TMEM163: variants seen among roughly 807,000 people sequenced by gnomAD.
TMEM163 encodes transmembrane protein 163.
Under a neutral mutation model 29.3 loss-of-function variants are expected in TMEM163, and 17 were observed. The observed-to-expected ratio is 0.58, with a 90% CI of 0.40 to 0.87. TMEM163 has a LOEUF of 0.87. Among genes scored for constraint, TMEM163 ranks in the 40% least tolerant of loss-of-function variants. The pLI is 0.00. For missense variants in TMEM163, 303 were observed against 381.5 expected (o/e 0.79, Z 1.71); for synonymous variants, 157 against 160.6 (o/e 0.98, Z 0.17).
chr2:134,491,394 GA>G (rs1345355338), intron 5 of TMEM163, among the ~76,000 whole-genome samples: 1 of 152,104 alleles, frequency 6.6e-6, no homozygotes, highest in East Asian at 1.9e-4. Flanking sequence ...GGAGAGTGTG[GA>G]AAAGTCCTAG....
chr2:134,597,392 T>C (rs1234075449), intron 2 of TMEM163, among the ~76,000 whole-genome samples: 3 of 152,200 alleles, frequency 2.0e-5, no homozygotes, highest in African/African-American at 4.8e-5. Context: ...TTGTCTTTGG[T>C]TCTGTTTATA....
At chr2:134,545,046 AGT>A (rs148302354) in intron 4 of TMEM163, among the ~76,000 whole-genome samples, 1 of 152,096 alleles carries the variant, frequency 6.6e-6, no homozygotes, top group African/African-American at 2.4e-5. Context: ...TGCCTACACA[AGT>A]GTGTGTGGAT....
At chr2:134,628,552 C>A (rs1682901780) in intron 2 of TMEM163, among the ~76,000 whole-genome samples, 1 of 152,250 alleles carries the variant, frequency 6.6e-6, no homozygotes, top group Non-Finnish European at 1.5e-5. Flanking sequence ...GCCAGTCATA[C>A]AAGCACTCTC....
At chr2:134,511,292 T>C (rs1395551879) in intron 4 of TMEM163, among the ~76,000 whole-genome samples, 3 of 151,838 alleles carry the variant, frequency 2.0e-5, no homozygotes, top group African/African-American at 7.3e-5. Context: ...GGACAGTGAG[T>C]GCAAAGGCTC....
rs1230622690 is a variant in TMEM163, at chr2:134,591,056, C to T, written c.323-38965G>A. Among the ~76,000 whole-genome samples, 3 of 152,314 alleles carry T rather than the reference C, an allele frequency of 2.0e-5. No homozygotes were observed. In the East Asian group the frequency reaches 5.8e-4, roughly 29 times the overall value. ...TGGAGTAACTCAAGCTAAGGGCCTA[C>T]ATGTACATTAGAAGGATGGGGTAGA... On this transcript the variant is annotated intron_variant, in intron 2 of 7. Coordinates refer to ENST00000281924, the MANE Select transcript of TMEM163 (RefSeq NM_030923.5).
intron 1 of TMEM163, among the ~76,000 whole-genome samples, chr2:134,715,580 TAAG>T (rs10579125): frequency 0.21 from 31,637 of 152,180 alleles, 3,724 homozygotes; most frequent in Middle Eastern, 0.39. Context: ...TAGCCGATCC[TAAG>T]AATGGAAAAC....
At chr2:134,486,439 T>C (rs1429457234) in intron 5 of TMEM163, among the ~76,000 whole-genome samples, 3 of 152,128 alleles carry the variant, frequency 2.0e-5, no homozygotes, top group African/African-American at 7.2e-5. Context: ...CAAGGTTGCT[T>C]GAGAGAGAAA....
chr2:134,696,816 C>T (rs76793123), intron 2 of TMEM163, among the ~76,000 whole-genome samples: 2 of 152,166 alleles, frequency 1.3e-5, no homozygotes, highest in African/African-American at 2.4e-5. Flanking sequence ...GCTCTTGTCA[C>T]TCAGGCTAGA....
chr2:134,578,534 G>C (rs1681614664), intron 2 of TMEM163, among the ~76,000 whole-genome samples: 1 of 152,194 alleles, frequency 6.6e-6, no homozygotes, highest in African/African-American at 2.4e-5. Flanking sequence ...GTTGCATGCA[G>C]CCATTTGGAA....
chr2:134,598,845 G>T (rs1368671902), intron 2 of TMEM163, among the ~76,000 whole-genome samples: 1 of 151,682 alleles, frequency 6.6e-6, no homozygotes, highest in Admixed American at 6.6e-5. Flanking sequence ...GCTTGAACCT[G>T]GGAGGTGGGG....
chr2:134,467,683 G>A (rs1052870889), intron 5 of TMEM163: 1 of 152,156 alleles, frequency 6.6e-6, no homozygotes, highest in African/African-American at 2.4e-5. Flanking sequence ...ATCCAGACTG[G>A]ATCCTGGAAC....
At chr2:134,533,225 C>T (rs1680452453) in intron 4 of TMEM163, among the ~76,000 whole-genome samples, 1 of 152,098 alleles carries the variant, frequency 6.6e-6, no homozygotes, top group South Asian at 2.1e-4. Flanking sequence ...TCCATGAGGT[C>T]ATTAAAAAGA....
rs542281096 is a variant in TMEM163 at position 134,687,060 on chromosome 2, G to A, written c.322+26140C>T. Among the ~76,000 whole-genome samples, 4 of 152,212 alleles carry A rather than the reference G, an allele frequency of 2.6e-5. No homozygotes were observed. In the East Asian group the frequency reaches 5.8e-4, roughly 22 times the overall value. On this transcript the variant is annotated intron_variant, in intron 2 of 7. Transcript: ENST00000281924. Reference sequence around the variant, plus strand: ...TAAGCAAACTGCCTTTTGCTCTGGCGGAAGACACTATATCATCCAAGACTA... The same window carrying A: ...TAAGCAAACTGCCTTTTGCTCTGGCAGAAGACACTATATCATCCAAGACTA...
At chr2:134,595,926 G>C (rs1316121619) in intron 2 of TMEM163, among the ~76,000 whole-genome samples, 2 of 152,202 alleles carry the variant, frequency 1.3e-5, no homozygotes, top group Non-Finnish European at 2.9e-5. Context: ...TTTGAGAAGT[G>C]TCAGTTCATA....
chr2:134,480,408 T>G (rs537514388), intron 5 of TMEM163, among the ~76,000 whole-genome samples: 1 of 151,918 alleles, frequency 6.6e-6, no homozygotes, highest in African/African-American at 2.4e-5. Context: ...ACCCCCGATC[T>G]TTCTTCTTTT....
At chr2:134,695,137 T>C (rs1684550560) in intron 2 of TMEM163, among the ~76,000 whole-genome samples, 1 of 151,996 alleles carries the variant, frequency 6.6e-6, no homozygotes, top group Non-Finnish European at 1.5e-5. Flanking sequence ...AGTGCAGTGG[T>C]TCAATCTCGG....
chr2:134,640,653 G>A (rs183318143), intron 2 of TMEM163, among the ~76,000 whole-genome samples: 3 of 152,202 alleles, frequency 2.0e-5, no homozygotes, highest in Admixed American at 6.5e-5. Context: ...GAAAAGACAC[G>A]CCCCAGGGGG....
intron 5 of TMEM163, among the ~76,000 whole-genome samples, chr2:134,482,285 ATTCC>A (rs1381184690): frequency 6.6e-6 from 1 of 152,170 alleles, no homozygotes; most frequent in East Asian, 1.9e-4. Context: ...CTTTAAGCTT[ATTCC>A]TCATCAAGGG....
intron 2 of TMEM163, among the ~76,000 whole-genome samples, chr2:134,597,355 G>A (rs941252568): frequency 1.4e-4 from 22 of 152,186 alleles, no homozygotes; most frequent in African/African-American, 4.1e-4. Context: ...GGCCTTTTCT[G>A]CATCTATTGA....
Sources: gnomAD v4.1 joint callset for allele counts (sites outside exome capture counted in the v4.1 genomes callset) on GRCh38, gnomAD v4.1.1 for gene constraint, MANE v1.5 for transcripts, NCBI Gene and HGNC (gene_info 2026-07-23, HGNC 2026-07-21) for gene names.